Variants in ABCG2 observed in about 807,000 individuals in gnomAD.
ABCG2 encodes the protein broad substrate specificity ATP-binding cassette transporter ABCG2.
In ABCG2, 80 loss-of-function variants were observed where a neutral mutation model predicts 73.5. That is an observed-to-expected ratio of 1.09 (90% confidence interval 0.91 to 1.31). ABCG2 has a LOEUF of 1.31. Among genes scored for constraint, ABCG2 ranks in the 50% most tolerant of loss-of-function variants. The pLI is 0.00. For missense variants in ABCG2, 796 were observed against 786.2 expected, an observed-to-expected ratio of 1.01 and a Z score of -0.15; for synonymous variants, 269 against 282.4, an observed-to-expected ratio of 0.95 and a Z score of 0.48.
In ABCG2 at chr4:88,090,542, T is replaced by G. The variant is rs1721582413; in HGVS notation, c.*1692A>C. The G allele has an allele frequency of 6.6e-6, 1 of 152,150 alleles. No individual in the cohort carries two copies. The highest frequency in any genetic ancestry group is 6.6e-5 in the Admixed American group (1 of 15,264). The allele number at this position is 152,150 out of a possible 1,614,324, so 9.4% of individuals were successfully genotyped here. On this transcript the variant is annotated 3_prime_UTR_variant, in exon 16 of 16. Coordinates refer to ENST00000237612, the MANE Select transcript of ABCG2 (RefSeq NM_004827.3). ...CAAATGTCATCCAAAAAGAAAAAAG[T>G]TCAAAGATAAAAATATAATGCCATG... is the stretch of plus-strand genomic sequence containing the variant.
intron 10 of ABCG2, among the ~76,000 whole-genome samples, chr4:88,105,755 C>T (rs1237927113): frequency 6.6e-6 from 1 of 152,186 alleles, no homozygotes; most frequent in Non-Finnish European, 1.5e-5. Flanking sequence ...GAAAAGACAA[C>T]CCACAGAGTG....
chr4:88,169,155 C>T (rs1293478062), intron 1 of ABCG2, among the ~76,000 whole-genome samples: 3 of 151,588 alleles, frequency 2.0e-5, no homozygotes, highest in South Asian at 4.2e-4. Context: ...AAGCAATTCT[C>T]CTGCCTCAGC....
At chr4:88,224,255 G>A (rs1356867860) in intron 1 of ABCG2, among the ~76,000 whole-genome samples, 1 of 152,038 alleles carries the variant, frequency 6.6e-6, no homozygotes, top group Non-Finnish European at 1.5e-5. Context: ...GGGCAACAGA[G>A]CAAAACCCCT....
At chr4:88,141,752 A>T (rs949249312) in intron 1 of ABCG2, among the ~76,000 whole-genome samples, 5 of 152,198 alleles carry the variant, frequency 3.3e-5, no homozygotes, top group East Asian at 1.9e-4. Flanking sequence ...AATGAAAAAA[A>T]TTTTTAAAAT....
chr4:88,206,255 C>T (rs1227741575), intron 1 of ABCG2, among the ~76,000 whole-genome samples: 1 of 152,072 alleles, frequency 6.6e-6, no homozygotes, highest in Non-Finnish European at 1.5e-5. Context: ...GAGTTCAACA[C>T]CAGCCTGGGC....
At chr4:88,146,860 C>A (rs370427430) in intron 1 of ABCG2, among the ~76,000 whole-genome samples, 5 of 136,588 alleles carry the variant, frequency 3.7e-5, no homozygotes, top group African/African-American at 2.7e-5. Context: ...AACAGCGTAA[C>A]CCTGTCAAAA....
At chr4:88,184,952 T>C (rs1728391563) in intron 1 of ABCG2, among the ~76,000 whole-genome samples, 1 of 152,204 alleles carries the variant, frequency 6.6e-6, no homozygotes, top group Non-Finnish European at 1.5e-5. Context: ...GGGAAAAGAA[T>C]ATCTCTTCAA....
Position 88,131,224 on chromosome 4 carries a change from A to G in ABCG2, c.379-11T>C, listed in dbSNP as rs1724851494. 6.2e-7 allele frequency: 1 copy of G among 1,613,446 alleles called. No individual in the cohort carries two copies. The highest frequency in any genetic ancestry group is 8.5e-7 in the Non-Finnish European group (1 of 1,179,622). ...CATCACAACATCATCCTTAAGGCAA[A>G]TAGCATTTTAATGAGACATAATGAT... On this transcript the variant is annotated splice_polypyrimidine_tract_variant and intron_variant, in intron 4 of 15. Transcript: ENST00000237612.
At chr4:88,220,288 G>C (rs780350332) in intron 1 of ABCG2, among the ~76,000 whole-genome samples, 1 of 152,110 alleles carries the variant, frequency 6.6e-6, no homozygotes, top group African/African-American at 2.4e-5. Flanking sequence ...ATAAACATCT[G>C]TCTGAGCCTC....
intron 1 of ABCG2, among the ~76,000 whole-genome samples, chr4:88,150,291 T>G (rs1399184557): frequency 6.6e-6 from 1 of 152,170 alleles, no homozygotes; most frequent in Non-Finnish European, 1.5e-5. Context: ...CACTCCAACC[T>G]GGGCAACAGA....
rs557733413 is a variant in ABCG2, at chr4:88,176,321, C to G, written c.-19-36307G>C. Among the ~76,000 whole-genome samples, 5 of 151,560 alleles carry G rather than the reference C, an allele frequency of 3.3e-5. No homozygotes were observed. In the South Asian group the frequency reaches 8.4e-4, roughly 25 times the overall value. On this transcript the variant is annotated intron_variant, in intron 1 of 15. Transcript: ENST00000515655. ...GATATGATTATTGATTATTCTTAAC[C>G]CTGCATTTACTGATATCATTTCCTC...
intron 5 of ABCG2, 131 bp downstream of exon 5, chr4:88,130,930 T>A: frequency 3.8e-6 from 4 of 1,041,420 alleles, no homozygotes; most frequent in Non-Finnish European, 5.6e-6. Context: ...AAGCCACTTT[T>A]CTCATTGTTA....
chr4:88,139,877 T>G lies in ABCG2; in HGVS notation c.119A>C (p.His40Pro). Residue 40 changes from histidine (H) to proline (P), a missense_variant, in exon 2 of 16, where the codon CAT becomes CCT. By Grantham distance (77) the His-to-Pro change is moderately conservative (BLOSUM62 -2). Transcript: ENST00000237612. Reference sequence around the variant, plus strand: ...CAGTTTTACTCGATAGCAGATGTTATGAAAACTTAACACAGCTCCTTCAGT... The same window carrying G: ...CAGTTTTACTCGATAGCAGATGTTAGGAAAACTTAACACAGCTCCTTCAGT... ...AFTEGAVLSF[H>P]NICYRVKLKS... is the part of the protein sequence containing the mutation. 6.2e-7 allele frequency: 1 copy of G among 1,614,184 alleles called. No individual in the cohort carries two copies. The highest frequency in any genetic ancestry group is 8.5e-7 in the Non-Finnish European group (1 of 1,180,028).
chr4:88,202,366 A>ATATATATATATATATATATATG (rs1456537532), intron 1 of ABCG2, among the ~76,000 whole-genome samples: 10 of 122,962 alleles, frequency 8.1e-5, no homozygotes, highest in African/African-American at 3.0e-4. Context: ...ATATATATAT[A>ATATATATATATATATATATATG]TATATATATA....
intron 1 of ABCG2, among the ~76,000 whole-genome samples, chr4:88,184,271 T>A (rs946686812): frequency 1.3e-5 from 2 of 152,156 alleles, no homozygotes; most frequent in Non-Finnish European, 2.9e-5. Flanking sequence ...AGTCAAATTA[T>A]CTTTGTTGGC....
At chr4:88,119,127 ACT>A (rs1205946587) in intron 6 of ABCG2, among the ~76,000 whole-genome samples, 1 of 151,068 alleles carries the variant, frequency 6.6e-6, no homozygotes, top group African/African-American at 2.4e-5. Context: ...GTACTGAAAA[ACT>A]CTCACGAGAT....
At chr4:88,165,000 A>T (rs1727460627) in intron 1 of ABCG2, among the ~76,000 whole-genome samples, 1 of 151,354 alleles carries the variant, frequency 6.6e-6, no homozygotes, top group Admixed American at 6.6e-5. Context: ...CTGGTCTTGA[A>T]CTCCTGGCCT....
chr4:88,161,339 A>T (rs1727297760), upstream of ABCG2, among the ~76,000 whole-genome samples: 1 of 88,122 alleles, frequency 1.1e-5, no homozygotes, highest in Non-Finnish European at 2.2e-5. Flanking sequence ...ACCCCACCAC[A>T]GTCCCCAGAG....
intron 1 of ABCG2, among the ~76,000 whole-genome samples, chr4:88,167,454 AC>A (rs1560733141): frequency 6.7e-6 from 1 of 148,332 alleles, no homozygotes; most frequent in Non-Finnish European, 1.5e-5. Flanking sequence ...GCTCACTGCA[AC>A]CTTCGCCTCC....
Sources: gnomAD v4.1 joint callset for allele counts (sites outside exome capture counted in the v4.1 genomes callset) on GRCh38, gnomAD v4.1.1 for gene constraint, MANE v1.5 for transcripts, NCBI Gene and HGNC (gene_info 2026-07-23, HGNC 2026-07-21) for gene names.